Variants in DESI2 observed in about 807,000 individuals in gnomAD.
The protein encoded by DESI2 is deubiquitinase DESI2.
Under a neutral mutation model 24.1 loss-of-function variants are expected in DESI2, and 10 were observed. The observed-to-expected ratio is 0.41, with a 90% confidence interval of 0.26 to 0.70. The LOEUF (loss-of-function observed/expected upper bound fraction) is 0.70, where lower values mean the gene tolerates loss of function less well. Ranked by LOEUF, DESI2 falls within the 30% of genes least tolerant of loss-of-function variation. The pLI, the probability that DESI2 is intolerant of heterozygous loss-of-function variation, is 0.29. For missense variants in DESI2, 122 were observed against 234.9 expected, an observed-to-expected ratio of 0.52 and a Z score of 3.14; for synonymous variants, 71 against 87.7, an observed-to-expected ratio of 0.81 and a Z score of 1.06.
At chr1:244,660,278 G>T (rs1036284591) in intron 1 of DESI2, among the ~76,000 whole-genome samples, 1 of 152,138 alleles carries the variant, frequency 6.6e-6, no homozygotes, top group Non-Finnish European at 1.5e-5. Context: ...CAATTTTCCT[G>T]CCTCAGCCTC....
chr1:244,663,564 C>T lies in DESI2; in HGVS notation c.42+10209C>T, dbSNP rs544347934. Among the ~76,000 whole-genome samples the T allele has an allele frequency of 5.3e-5, 8 of 152,260 alleles. No individual in the cohort carries two copies. The South Asian group carries it at 1.7e-3, about 32-fold the overall frequency. Reference sequence around the variant, plus strand: ...ACAAAATCAGGCTAATTTCAGACTTCTCTTTGCTTATACCAAAGGCTGAAT... The same window carrying T: ...ACAAAATCAGGCTAATTTCAGACTTTTCTTTGCTTATACCAAAGGCTGAAT... On this transcript the variant is annotated intron_variant, in intron 1 of 4. Transcript: ENST00000302550.
intron 1 of DESI2, among the ~76,000 whole-genome samples, chr1:244,677,552 A>G (rs1473374306): frequency 2.6e-5 from 4 of 152,218 alleles, no homozygotes; most frequent in Non-Finnish European, 4.4e-5. Context: ...ACAATGAATA[A>G]GCAACGTCAA....
intron 1 of DESI2, among the ~76,000 whole-genome samples, chr1:244,684,196 CAAAT>C (rs1330937775): frequency 2.6e-5 from 4 of 151,972 alleles, no homozygotes; most frequent in East Asian, 1.9e-4. Flanking sequence ...TATAAAGATT[CAAAT>C]AAATAAAAAC....
At chr1:244,688,315 T>G (rs1676892742) in intron 2 of DESI2, among the ~76,000 whole-genome samples, 1 of 152,212 alleles carries the variant, frequency 6.6e-6, no homozygotes, top group Admixed American at 6.5e-5. Context: ...TGTAAAATTT[T>G]GTCACTAAAA....
chr1:244,670,884 T>G (rs1676221562), intron 1 of DESI2, among the ~76,000 whole-genome samples: 1 of 152,230 alleles, frequency 6.6e-6, no homozygotes. Flanking sequence ...GTTACAATAC[T>G]TGGATAATCT....
intron 4 of DESI2, among the ~76,000 whole-genome samples, chr1:244,705,230 T>G (rs1267648276): frequency 6.6e-6 from 1 of 152,206 alleles, no homozygotes; most frequent in African/African-American, 2.4e-5. Flanking sequence ...GCGTCTTCTG[T>G]GTGTTCAAAG....
At chr1:244,695,371 C>T (rs901370363) in intron 4 of DESI2, among the ~76,000 whole-genome samples, 5 of 152,142 alleles carry the variant, frequency 3.3e-5, no homozygotes, top group African/African-American at 9.7e-5. Context: ...TTAATATTTT[C>T]GGCCAGGCAT....
intron 4 of DESI2, among the ~76,000 whole-genome samples, chr1:244,704,668 T>TGC (rs1348711042): frequency 6.6e-6 from 1 of 151,744 alleles, no homozygotes; most frequent in Non-Finnish European, 1.5e-5. Flanking sequence ...AAACACTTTG[T>TGC]GTGTGTGTGA....
In DESI2 at chr1:244,653,129, C is replaced by A; in HGVS notation, c.-185C>A. The stretch of plus-strand genomic sequence containing the variant: ...AACGGTCCGGCCCCGTCCGCACAGA[C>A]GCTCCTGTCGGCGGCGCCCGGGAGC... On this transcript the variant is annotated 5_prime_UTR_variant, in exon 1 of 5. Coordinates refer to ENST00000302550, the MANE Select transcript of DESI2 (RefSeq NM_016076.5). 1 of 465,596 alleles carries A rather than the reference C, an allele frequency of 2.1e-6. No individual in the cohort carries two copies. The highest frequency in any genetic ancestry group is 3.5e-6 in the Non-Finnish European group (1 of 282,450). 28.8% of individuals were successfully genotyped at this position (465,596 alleles called of 1,614,324 possible). A position where few individuals can be genotyped will look rare whatever the true frequency, so the allele number is the denominator to read the frequency against.
At chr1:244,663,826 G>T (rs1252639399) in intron 1 of DESI2, among the ~76,000 whole-genome samples, 2 of 151,800 alleles carry the variant, frequency 1.3e-5, no homozygotes, top group Non-Finnish European at 2.9e-5. Context: ...AGACCATCCT[G>T]GCTAACACGG....
At chr1:244,653,714 C>T (rs1675545307) in intron 1 of DESI2, 3 of 375,640 alleles carry the variant, frequency 8.0e-6, no homozygotes, top group Non-Finnish European at 1.5e-5. Context: ...GCCCCCGGGG[C>T]TGCCCCGGGA....
Position 244,666,077 on chromosome 1 carries a change from C to G in DESI2, c.42+12722C>G, listed in dbSNP as rs1379989616. On this transcript the variant is annotated intron_variant, in intron 1 of 4. Coordinates refer to ENST00000302550, the MANE Select transcript of DESI2 (RefSeq NM_016076.5). Reference sequence around the variant, plus strand: ...ACTGTCTAGCAGTGCTTCCTTATTTCTCTGGTCAGTTGACATTCCCACTCT... The same window carrying G: ...ACTGTCTAGCAGTGCTTCCTTATTTGTCTGGTCAGTTGACATTCCCACTCT... Among the ~76,000 whole-genome samples, 4 of 152,324 alleles carry G rather than the reference C, an allele frequency of 2.6e-5. No homozygotes were observed. In the Middle Eastern group the frequency reaches 0.01, roughly 389 times the overall value.
chr1:244,672,633 C>T (rs575446970), intron 1 of DESI2, among the ~76,000 whole-genome samples: 2 of 152,250 alleles, frequency 1.3e-5, no homozygotes, highest in Non-Finnish European at 2.9e-5. Flanking sequence ...AACCCTAGCA[C>T]TTTGGGAGGC....
chr1:244,698,686 A>C (rs1280516543), intron 4 of DESI2, among the ~76,000 whole-genome samples: 1 of 152,196 alleles, frequency 6.6e-6, no homozygotes, highest in East Asian at 1.9e-4. Flanking sequence ...ACTGAAAGAG[A>C]TACAGGCTCA....
At chr1:244,667,416 C>T (rs149163307) in intron 1 of DESI2, among the ~76,000 whole-genome samples, 18 of 152,274 alleles carry the variant, frequency 1.2e-4, no homozygotes, top group African/African-American at 4.3e-4. Flanking sequence ...AAAATGTTCT[C>T]CTTTGACTCC....
intron 2 of DESI2, among the ~76,000 whole-genome samples, 197 bp downstream of exon 2, chr1:244,686,866 C>A (rs531528744): frequency 1.2e-4 from 19 of 152,258 alleles, no homozygotes; most frequent in African/African-American, 4.6e-4. Flanking sequence ...GGAGAAAGTA[C>A]TCAAAATACA....
At chr1:244,680,246 G>C (rs1030580962) in intron 1 of DESI2, among the ~76,000 whole-genome samples, 1 of 152,024 alleles carries the variant, frequency 6.6e-6, no homozygotes, top group Non-Finnish European at 1.5e-5. Context: ...CTAGGAGTTC[G>C]AGACCAGCCT....
In DESI2 at chr1:244,708,864, C is replaced by T. The variant is rs892259324; in HGVS notation, c.*3075C>T. On this transcript the variant is annotated 3_prime_UTR_variant, in exon 5 of 5. Coordinates refer to ENST00000302550, the MANE Select transcript of DESI2 (RefSeq NM_016076.5). ...AGTGTTACAGCTGTCAAAGAATCTT[C>T]ATGGACCTGAAGATAATTTCTTGTG... is the stretch of plus-strand genomic sequence containing the variant. The T allele has an allele frequency of 3.3e-5, 5 of 152,588 alleles. No individual in the cohort carries two copies. The highest frequency in any genetic ancestry group is 2.6e-4 in the Admixed American group (4 of 15,282). 9.5% of individuals were successfully genotyped at this position (152,588 alleles called of 1,614,324 possible).
At chr1:244,705,471 CCCT>C in intron 4 of DESI2, 82 bp from the exon 5 acceptor site, 1 of 1,183,824 alleles carries the variant, frequency 8.4e-7, no homozygotes, top group South Asian at 1.3e-5. Context: ...TACGCCGCCC[CCCT>C]CCTCCCACCC....
Sources: gnomAD v4.1 joint callset for allele counts (sites outside exome capture counted in the v4.1 genomes callset) on GRCh38, gnomAD v4.1.1 for gene constraint, MANE v1.5 for transcripts, NCBI Gene and HGNC (gene_info 2026-07-23, HGNC 2026-07-21) for gene names.